The following PRKCE variants were observed in gnomAD, a reference collection of about 807,000 sequenced individuals.
PRKCE encodes the protein protein kinase C epsilon type.
PRKCE carries 16 observed loss-of-function variants against 85.4 expected under a neutral mutation model. The ratio of observed to expected loss-of-function variants is 0.19; its 90% CI spans 0.13 to 0.28. The LOEUF is 0.28. Ranked by LOEUF, PRKCE falls within the 10% of genes least tolerant of loss-of-function variation. PRKCE has a pLI of 1.00. For missense variants in PRKCE, 573 were observed against 975.2 expected (o/e 0.59, Z 5.49); for synonymous variants, 388 against 371.5 (o/e 1.04, Z -0.51).
At position 45,652,246 on chromosome 2, in the gene PRKCE, C is replaced by G. The variant is rs752535470; in HGVS notation, c.146C>G (p.Ser49Trp). The change falls in exon 1 of 15, where the codon TCG becomes TGG. Residue 49 changes from serine to tryptophan, a missense_variant. Coordinates refer to ENST00000306156, the MANE Select transcript of PRKCE (RefSeq NM_005400.3). The surrounding 1 kb of genome is among the most constrained non-coding windows in gnomAD (Gnocchi z 7.7). ...TACATTGCCCTCAATGTGGACGACT[C>G]GCGCATCGGCCAAACGGCCACCAAG... ...DPYIALNVDDSRIGQTATKQK... is the reference protein window; with the variant it reads ...DPYIALNVDDWRIGQTATKQK... 6.2e-7 allele frequency: 1 copy of G among 1,613,210 alleles called. No individual in the cohort carries two copies. Among genetic ancestry groups the G allele is most frequent in the Non-Finnish European group, 8.5e-7 (1 of 1,180,008 alleles).
intron 2 of PRKCE, among the ~76,000 whole-genome samples, chr2:45,885,633 C>A (rs887154691): frequency 6.6e-6 from 1 of 152,206 alleles, no homozygotes; most frequent in Non-Finnish European, 1.5e-5. Context: ...CGTAGCCCAG[C>A]CAAATTTCTC....
At chr2:45,946,106 GC>G (rs1700225264) in intron 2 of PRKCE, among the ~76,000 whole-genome samples, 1 of 152,252 alleles carries the variant, frequency 6.6e-6, no homozygotes, top group Admixed American at 6.5e-5. Context: ...TAGGATGTTG[GC>G]CAGATACCAA....
At chr2:45,817,497 T>C (rs568299840) in intron 1 of PRKCE, among the ~76,000 whole-genome samples, 2 of 151,520 alleles carry the variant, frequency 1.3e-5, no homozygotes, top group Non-Finnish European at 2.9e-5. Context: ...ATCGAGACCA[T>C]CCTGGCTAAC....
intron 12 of PRKCE, among the ~76,000 whole-genome samples, chr2:46,148,802 C>G (rs939831928): frequency 6.6e-6 from 1 of 152,152 alleles, no homozygotes; most frequent in Non-Finnish European, 1.5e-5. Context: ...GCCTGCAACT[C>G]GTAGGAACAG....
chr2:45,955,289 A>G (rs774376108), intron 2 of PRKCE, among the ~76,000 whole-genome samples: 9 of 152,172 alleles, frequency 5.9e-5, no homozygotes, highest in Non-Finnish European at 1.3e-4. Context: ...GGGAAGGAGA[A>G]CTGGTATAAT....
chr2:46,130,272 T>C (rs1674291899), intron 11 of PRKCE, among the ~76,000 whole-genome samples: 2 of 152,070 alleles, frequency 1.3e-5, no homozygotes, highest in Admixed American at 6.6e-5. Flanking sequence ...ACACTATATG[T>C]ATATATTATA....
chr2:46,117,615 C>T (rs1672903348), intron 11 of PRKCE, among the ~76,000 whole-genome samples: 1 of 152,170 alleles, frequency 6.6e-6, no homozygotes, highest in African/African-American at 2.4e-5. Context: ...CCTCCCTTCA[C>T]ATGTGGGTCC....
intron 2 of PRKCE, among the ~76,000 whole-genome samples, chr2:45,854,670 C>G (rs891945563): frequency 6.6e-6 from 1 of 152,166 alleles, no homozygotes; most frequent in East Asian, 1.9e-4. Context: ...GAAGACTTTC[C>G]GAATACGGGC....
At chr2:45,959,902 G>A (rs938539877) in intron 2 of PRKCE, among the ~76,000 whole-genome samples, 4 of 151,980 alleles carry the variant, frequency 2.6e-5, no homozygotes, top group Non-Finnish European at 4.4e-5. Flanking sequence ...TAATTTTCCG[G>A]GTTTTATTTG....
chr2:45,842,971 C>G (rs1003845209), intron 1 of PRKCE, 29 bp from the exon 2 acceptor site: 1 of 1,607,852 alleles, frequency 6.2e-7, no homozygotes, highest in East Asian at 2.2e-5. Flanking sequence ...AATGCACTAA[C>G]AGAGTCACTG....
intron 1 of PRKCE, among the ~76,000 whole-genome samples, chr2:45,765,444 G>A (rs1553404402): frequency 6.6e-6 from 1 of 152,206 alleles, no homozygotes; most frequent in Non-Finnish European, 1.5e-5. Context: ...AAGCTGTAGA[G>A]TAACCATCTC....
chr2:45,844,722 A>G (rs1048988837), intron 2 of PRKCE, among the ~76,000 whole-genome samples: 9 of 152,242 alleles, frequency 5.9e-5, no homozygotes, highest in Non-Finnish European at 1.3e-4. Context: ...CTGTGCCAAG[A>G]TGCTGAGCAA....
At chr2:45,845,848 TAGATGAC>T (rs1691744612) in intron 2 of PRKCE, 1 of 152,206 alleles carries the variant, frequency 6.6e-6, no homozygotes, top group Non-Finnish European at 1.5e-5. Flanking sequence ...GGGGTCAGGC[TAGATGAC>T]AGTTAAGGTC....
rs77771740 is a variant in PRKCE at position 45,897,596 on chromosome 2, T to C, written c.412+54533T>C. ...CACTTTGCCCATGATAATTGCCAGATGTTTAGAGGTGCAAGAGGAGATGGC... is the reference window on the plus strand; with the variant it reads ...CACTTTGCCCATGATAATTGCCAGACGTTTAGAGGTGCAAGAGGAGATGGC... On this transcript the variant is annotated intron_variant, in intron 2 of 14. Coordinates refer to ENST00000306156, the MANE Select transcript of PRKCE (RefSeq NM_005400.3). Among the ~76,000 whole-genome samples, 141 of 152,266 alleles carry C rather than the reference T, an allele frequency of 9.3e-4. 1 individual carries two copies. Among genetic ancestry groups the C allele is most frequent in the Non-Finnish European group, 1.7e-3 (115 of 68,028 alleles).
chr2:46,107,081 A>G (rs1340374392), intron 11 of PRKCE, among the ~76,000 whole-genome samples: 2 of 152,222 alleles, frequency 1.3e-5, no homozygotes, highest in African/African-American at 4.8e-5. Flanking sequence ...ATAGCATCAT[A>G]TATCACCATT....
intron 2 of PRKCE, among the ~76,000 whole-genome samples, chr2:45,973,866 T>C (rs914786363): frequency 1.6e-4 from 25 of 152,232 alleles, no homozygotes; most frequent in African/African-American, 6.0e-4. Context: ...CCCATCACCA[T>C]TTTAACTGAA....
intron 14 of PRKCE, among the ~76,000 whole-genome samples, chr2:46,183,263 C>A (rs1031464004): frequency 1.3e-5 from 2 of 152,234 alleles, no homozygotes; most frequent in Non-Finnish European, 2.9e-5. Flanking sequence ...TTCTCAGAGA[C>A]TAACTTGCCA....
At chr2:45,816,785 C>A (rs888955761) in intron 1 of PRKCE, among the ~76,000 whole-genome samples, 22 of 152,094 alleles carry the variant, frequency 1.4e-4, no homozygotes, top group African/African-American at 5.3e-4. Flanking sequence ...GTTACCTCCT[C>A]GATATTCCTG....
intron 1 of PRKCE, among the ~76,000 whole-genome samples, chr2:45,800,488 G>T (rs56244662): frequency 1.3e-5 from 2 of 152,326 alleles, no homozygotes; most frequent in Non-Finnish European, 2.9e-5. Context: ...GGCAGTTTTA[G>T]TCAGCAGTTG....
Sources: gnomAD v4.1 joint callset for allele counts (sites outside exome capture counted in the v4.1 genomes callset) on GRCh38, gnomAD v4.1.1 for gene constraint, Gnocchi (gnomAD v3.1) non-coding constraint, MANE v1.5 for transcripts, NCBI Gene and HGNC (gene_info 2026-07-23, HGNC 2026-07-21) for gene names.